Variants in RFFL observed in about 807,000 individuals in gnomAD.
RFFL encodes the protein E3 ubiquitin-protein ligase rififylin.
In RFFL, 16 loss-of-function variants were observed where a neutral mutation model predicts 40.4. That is an observed-to-expected ratio of 0.40 (90% confidence interval 0.27 to 0.60). RFFL has a LOEUF of 0.60. Among genes scored for constraint, RFFL ranks in the 20% least tolerant of loss-of-function variants. The pLI, the probability that RFFL is intolerant of heterozygous loss-of-function variation, is 0.47. For missense variants in RFFL, 367 were observed against 451.7 expected, an observed-to-expected ratio of 0.81 and a Z score of 1.70; for synonymous variants, 154 against 167.9, an observed-to-expected ratio of 0.92 and a Z score of 0.64.
At chr17:35,035,844 C>T (rs1432291548) in intron 1 of RFFL, among the ~76,000 whole-genome samples, 4 of 152,104 alleles carry the variant, frequency 2.6e-5, no homozygotes, top group Non-Finnish European at 4.4e-5. Flanking sequence ...GCTGGGACTA[C>T]AGGTGTGCAT....
At chr17:35,042,659 G>A (rs939814944) in intron 1 of RFFL, among the ~76,000 whole-genome samples, 1 of 151,492 alleles carries the variant, frequency 6.6e-6, no homozygotes, top group Admixed American at 6.6e-5. Context: ...CCCCATCTCT[G>A]CTAAAAATAC....
chr17:35,024,988 T>C lies in RFFL; in HGVS notation c.180+1386A>G, dbSNP rs148526802. ...ATCCAAACTGGAATTTTTCTTCCCCTCCAGAAGCTCTTGTTACACACACTT... is the reference window on the plus strand; with the variant it reads ...ATCCAAACTGGAATTTTTCTTCCCCCCCAGAAGCTCTTGTTACACACACTT... On this transcript the variant is annotated intron_variant, in intron 2 of 6. Coordinates refer to ENST00000394597, the MANE Select transcript of RFFL (RefSeq NM_001017368.2). Among the ~76,000 whole-genome samples the C allele has an allele frequency of 2.0e-5, 3 of 152,314 alleles. No homozygotes were observed. In the East Asian group the frequency reaches 5.8e-4, roughly 29 times the overall value.
intron 6 of RFFL, among the ~76,000 whole-genome samples, chr17:35,013,072 A>C (rs2090950899): frequency 6.6e-6 from 1 of 152,232 alleles, no homozygotes; most frequent in South Asian, 2.1e-4. Flanking sequence ...TGCATGTGTT[A>C]ACTCACTGAA....
At chr17:35,014,803 T>A (rs372589047) in intron 5 of RFFL, 40 bp from the exon 6 acceptor site, 2 of 1,598,404 alleles carry the variant, frequency 1.3e-6, no homozygotes, top group South Asian at 2.2e-5. Flanking sequence ...AGGTAAGGCA[T>A]GATGGTACAA....
intron 1 of RFFL, among the ~76,000 whole-genome samples, chr17:35,079,054 G>A (rs2091391510): frequency 6.6e-6 from 1 of 151,950 alleles, no homozygotes; most frequent in South Asian, 2.1e-4. Context: ...TTTAACTAGT[G>A]GCATCAAAAA....
At chr17:35,017,033 G>C (rs2090978183) in intron 4 of RFFL, among the ~76,000 whole-genome samples, 1 of 152,036 alleles carries the variant, frequency 6.6e-6, no homozygotes, top group Non-Finnish European at 1.5e-5. Context: ...AACCCAGCAT[G>C]GTGCTGGCCC....
In RFFL at chr17:35,034,116, CTGGG is replaced by C. The variant is rs1206648582; in HGVS notation, c.-8-7559_-8-7556del. Among the ~76,000 whole-genome samples, 5 of 151,790 alleles carry C rather than the reference CTGGG, an allele frequency of 3.3e-5. No individual in the cohort carries two copies. In the East Asian group the frequency reaches 9.6e-4, roughly 29 times the overall value. ...CGAGATCGCACCACTGTACTCCAGT[CTGGG>C]TGACAGAGCGAGACTCTGTCTCAAA... On this transcript the variant is annotated intron_variant, in intron 1 of 6. Coordinates refer to ENST00000394597, the MANE Select transcript of RFFL (RefSeq NM_001017368.2).
At chr17:35,065,039 C>T (rs1461719067), upstream of RFFL, among the ~76,000 whole-genome samples, 1 of 152,070 alleles carries the variant, frequency 6.6e-6, no homozygotes, top group Non-Finnish European at 1.5e-5. Context: ...AGAAGTTTCC[C>T]TATAGTACAT....
chr17:35,065,044 G>C (rs2091312985), upstream of RFFL, among the ~76,000 whole-genome samples: 1 of 151,934 alleles, frequency 6.6e-6, no homozygotes. Flanking sequence ...TTTCCCTATA[G>C]TACATGTTAA....
chr17:35,045,372 A>G (rs2091192976), intron 1 of RFFL, among the ~76,000 whole-genome samples: 1 of 151,898 alleles, frequency 6.6e-6, no homozygotes, highest in South Asian at 2.1e-4. Context: ...AGCTGGGATT[A>G]CAGGCACGTG....
At chr17:35,047,609 G>C (rs559397710) in intron 1 of RFFL, among the ~76,000 whole-genome samples, 1 of 152,208 alleles carries the variant, frequency 6.6e-6, no homozygotes, top group East Asian at 1.9e-4. Flanking sequence ...TTAGTTTTCA[G>C]ACAGGGTCTC....
chr17:35,086,355 G>A (rs1380869051), intron 1 of RFFL, among the ~76,000 whole-genome samples: 3 of 151,934 alleles, frequency 2.0e-5, no homozygotes, highest in Non-Finnish European at 4.4e-5. Flanking sequence ...GCGTAGTGAC[G>A]CACATCTGTG....
intron 1 of RFFL, among the ~76,000 whole-genome samples, chr17:35,061,747 C>A (rs962059505): frequency 2.0e-5 from 3 of 150,530 alleles, no homozygotes; most frequent in African/African-American, 7.3e-5. Flanking sequence ...GTGGTGTGAT[C>A]CTCGCTCACT....
chr17:35,048,536 T>C (rs1394173815), intron 1 of RFFL, among the ~76,000 whole-genome samples: 2 of 152,210 alleles, frequency 1.3e-5, no homozygotes, highest in Admixed American at 6.5e-5. Context: ...TTCTTAATTA[T>C]ATAATCCCTT....
Position 35,082,285 on chromosome 17 carries a change from A to G in RFFL, c.-9+6820T>C, listed in dbSNP as rs199897106. 3.3e-5 allele frequency among the ~76,000 whole-genome samples: 5 copies of G among 152,322 alleles called. No individual in the cohort carries two copies. The East Asian group carries it at 5.8e-4, about 18-fold the overall frequency. ...GCTTTAAAAGAGGGAAAAGGAGGAG[A>G]CAGGGAACAAGAAACGAAGACCAAA... On this transcript the variant is annotated intron_variant, in intron 1 of 6. Coordinates refer to the RFFL transcript ENST00000315249.
At chr17:35,023,197 G>A (rs955445154) in intron 2 of RFFL, among the ~76,000 whole-genome samples, 48 of 152,292 alleles carry the variant, frequency 3.2e-4, no homozygotes, top group Non-Finnish European at 2.2e-4. Context: ...CCATCTTTTC[G>A]AAATATAGAA....
Position 35,008,343 on chromosome 17 carries a change from T to G in RFFL, c.*3625A>C, listed in dbSNP as rs1460090549. ...GCAAGTTAGTTAGTTACAACAACAC[T>G]GAGCATCTTGACCAAGGTCACTTGG... is the stretch of plus-strand genomic sequence containing the variant. On this transcript the variant is annotated 3_prime_UTR_variant, in exon 7 of 7. Transcript: ENST00000394597. 6.6e-6 allele frequency: 1 copy of G among 152,280 alleles called. No individual in the cohort carries two copies. Among genetic ancestry groups the G allele is most frequent in the Non-Finnish European group, 1.5e-5 (1 of 68,062 alleles). 9.4% of individuals were successfully genotyped at this position (152,280 alleles called of 1,614,324 possible).
chr17:35,034,937 G>A (rs2091111012), intron 1 of RFFL, among the ~76,000 whole-genome samples: 1 of 152,140 alleles, frequency 6.6e-6, no homozygotes, highest in Non-Finnish European at 1.5e-5. Context: ...AAGGCATATA[G>A]CTCAACTTGA....
intron 1 of RFFL, among the ~76,000 whole-genome samples, chr17:35,047,953 C>T (rs1339814276): frequency 1.3e-5 from 2 of 151,460 alleles, no homozygotes; most frequent in Non-Finnish European, 2.9e-5. Flanking sequence ...GGTTTCACCA[C>T]GTTGGCCAGG....
Sources: allele counts gnomAD v4.1 joint callset (sites outside exome capture counted in the v4.1 genomes callset), GRCh38; gene constraint gnomAD v4.1.1; transcripts MANE v1.5; gene names NCBI Gene and HGNC (gene_info 2026-07-23, HGNC 2026-07-21).